Variants in KDM1A observed in about 807,000 individuals in gnomAD.
The protein encoded by KDM1A is lysine demethylase 1A.
Under a neutral mutation model 109.4 loss-of-function variants are expected in KDM1A, and 49 were observed. The ratio of observed to expected loss-of-function variants is 0.45; its 90% CI spans 0.36 to 0.57. KDM1A has a LOEUF of 0.57. KDM1A is among the 20% of genes least tolerant of loss of function. KDM1A has a pLI of 0.00. For missense variants in KDM1A, 668 were observed against 1,116.6 expected (o/e 0.60, Z 5.73); for synonymous variants, 380 against 415.4 (o/e 0.91, Z 1.04).
intron 2 of KDM1A, among the ~76,000 whole-genome samples, chr1:23,036,289 A>G (rs1254461002): frequency 6.6e-6 from 1 of 152,104 alleles, no homozygotes; most frequent in Non-Finnish European, 1.5e-5. Flanking sequence ...TAGGTTTACC[A>G]GAAGTGACTA....
At position 23,019,679 on chromosome 1, in the gene KDM1A, C is replaced by T. The variant is rs1641548763; in HGVS notation, c.83C>T (p.Ala28Val). Residue 28 changes from alanine (A) to valine (V), a missense_variant, in exon 1 of 21, where the codon GCA (alanine) becomes GTA (valine). Physicochemically the swap from Ala to Val is moderately conservative, Grantham distance 64. Coordinates refer to ENST00000400181, the MANE Select transcript of KDM1A (RefSeq NM_001009999.3). ...ATGTEAGPGTAGGSENGSEVA... is the reference protein window; with the variant it reads ...ATGTEAGPGTVGGSENGSEVA... The stretch of plus-strand genomic sequence containing the variant: ...GGGACGGAGGCTGGCCCTGGGACAG[C>T]AGGCGGCTCCGAGAACGGGTCTGAG... 7 of 1,364,818 alleles carry T rather than the reference C, an allele frequency of 5.1e-6. No homozygotes were observed. In the South Asian group the frequency reaches 7.2e-5, roughly 14 times the overall value. The allele number at this position is 1,364,818 out of a possible 1,614,324, so 84.5% of individuals were successfully genotyped here. A position where few individuals can be genotyped will look rare whatever the true frequency, so the allele number is the denominator to read the frequency against.
chr1:23,020,014 TC>T, intron 1 of KDM1A, 67 bp downstream of exon 1: 1 of 1,380,780 alleles, frequency 7.2e-7, no homozygotes, highest in Non-Finnish European at 9.4e-7. Flanking sequence ...TTCTCCGCCC[TC>T]CCCCGCCGCC....
At chr1:23,042,642 C>T (rs1182962851) in intron 2 of KDM1A, among the ~76,000 whole-genome samples, 4 of 149,928 alleles carry the variant, frequency 2.7e-5, no homozygotes, top group Admixed American at 6.6e-5. Flanking sequence ...TTAGTAGAGA[C>T]GGGGTTTCAC....
intron 16 of KDM1A, among the ~76,000 whole-genome samples, chr1:23,077,648 C>T (rs1012625675): frequency 6.6e-6 from 1 of 152,084 alleles, no homozygotes; most frequent in African/African-American, 2.4e-5. Flanking sequence ...CTCTAATGCC[C>T]CAGTGAGCAT....
Position 23,072,121 on chromosome 1 carries a change from C to A in KDM1A, c.1549-3C>A. On this transcript the variant is annotated splice_region_variant and splice_polypyrimidine_tract_variant and intron_variant, in intron 13 of 20. Transcript: ENST00000400181. Reference sequence around the variant, plus strand: ...TAACTCAGGTTCACTTAATTTTTATCAGGAATATGATGAATTAGCTGAAAC... The same window carrying A: ...TAACTCAGGTTCACTTAATTTTTATAAGGAATATGATGAATTAGCTGAAAC... 1 of 1,599,156 alleles carries A rather than the reference C, an allele frequency of 6.3e-7. No homozygotes were observed. Among genetic ancestry groups the A allele is most frequent in the Non-Finnish European group, 8.5e-7 (1 of 1,169,736 alleles).
At chr1:23,052,415 A>G (rs2124458602) in intron 4 of KDM1A, among the ~76,000 whole-genome samples, 1 of 152,354 alleles carries the variant, frequency 6.6e-6, no homozygotes, top group African/African-American at 2.4e-5. Flanking sequence ...CAGTGGCCAC[A>G]GAGTAGAGTA....
intron 3 of KDM1A, among the ~76,000 whole-genome samples, chr1:23,046,452 A>G (rs1007433336): frequency 2.0e-5 from 3 of 152,138 alleles, no homozygotes; most frequent in African/African-American, 7.2e-5. Context: ...AAATCTAGTT[A>G]TAGTTATCTA....
chr1:23,077,178 GAC>G (rs1385701517), intron 15 of KDM1A, 48 bp from the exon 16 acceptor site: 1 of 1,579,760 alleles, frequency 6.3e-7, no homozygotes. Flanking sequence ...AGGTGCAAAT[GAC>G]ACAGATTAAT....
In KDM1A at chr1:23,079,406, TA is replaced by T; in HGVS notation, c.2056-142del. 1.4e-6 allele frequency: 1 copy of T among 715,836 alleles called. No individual in the cohort carries two copies. Among genetic ancestry groups the T allele is most frequent in the Non-Finnish European group, 2.3e-6 (1 of 429,500 alleles). The allele number at this position is 715,836 out of a possible 1,614,324, so 44.3% of individuals were successfully genotyped here. On this transcript the variant is annotated intron_variant, in intron 17 of 20. Transcript: ENST00000400181. The surrounding 1 kb of genome is among the most constrained non-coding windows in gnomAD (Gnocchi z 5.6). Reference sequence around the variant, plus strand: ...GGGTCATTTCACAAACTCAGGCCTATAAAAAGGGGATCGTAAATGTCATCCT... The same window carrying T: ...GGGTCATTTCACAAACTCAGGCCTATAAAAGGGGATCGTAAATGTCATCCT...
intron 4 of KDM1A, among the ~76,000 whole-genome samples, chr1:23,052,963 TTTC>T (rs1246224159): frequency 5.3e-5 from 8 of 152,354 alleles, no homozygotes; most frequent in African/African-American, 1.9e-4. Context: ...CTATTTTATA[TTTC>T]TTCTTGTTAT....
chr1:23,083,460 C>A lies in KDM1A; in HGVS notation c.*96C>A. 8.0e-7 allele frequency: 1 copy of A among 1,255,222 alleles called. No individual in the cohort carries two copies. The highest frequency in any genetic ancestry group is 1.1e-6 in the Non-Finnish European group (1 of 931,370). 77.8% of individuals were successfully genotyped at this position (1,255,222 alleles called of 1,614,324 possible). ...ACTAGATCCCACTGAGAAAATCCAC[C>A]CTGGCATCTGGGCTCCTGATCAGCT... On this transcript the variant is annotated 3_prime_UTR_variant, in exon 21 of 21. Coordinates refer to ENST00000400181, the MANE Select transcript of KDM1A (RefSeq NM_001009999.3).
intron 12 of KDM1A, among the ~76,000 whole-genome samples, chr1:23,069,900 A>G (rs1188267548): frequency 6.6e-6 from 1 of 152,182 alleles, no homozygotes; most frequent in African/African-American, 2.4e-5. Flanking sequence ...TAGGGAGAAA[A>G]TAGCCCCTGG....
At chr1:23,047,682 C>T (rs1426518586) in intron 3 of KDM1A, among the ~76,000 whole-genome samples, 1 of 152,090 alleles carries the variant, frequency 6.6e-6, no homozygotes, top group African/African-American at 2.4e-5. Flanking sequence ...TGGTGTATCG[C>T]TTGAGCTCAA....
chr1:23,047,744 T>G lies in KDM1A; in HGVS notation c.578-2643T>G, dbSNP rs570337989. 9.2e-5 allele frequency among the ~76,000 whole-genome samples: 14 copies of G among 151,976 alleles called. No individual in the cohort carries two copies. The East Asian group carries it at 1.9e-3, about 21-fold the overall frequency. On this transcript the variant is annotated intron_variant, in intron 3 of 20. Coordinates refer to ENST00000400181, the MANE Select transcript of KDM1A (RefSeq NM_001009999.3). ...GGTGAAACCCCATCTCTACAAAATATAAAAAAATTAGACATAGTGGCTTGT... is the reference window on the plus strand; with the variant it reads ...GGTGAAACCCCATCTCTACAAAATAGAAAAAAATTAGACATAGTGGCTTGT...
intron 9 of KDM1A, among the ~76,000 whole-genome samples, chr1:23,062,072 C>T (rs1643016540): frequency 6.6e-6 from 1 of 152,174 alleles, no homozygotes; most frequent in Non-Finnish European, 1.5e-5. Flanking sequence ...AGGTCAGTAG[C>T]TTTATTCTCT....
chr1:23,055,116 G>A lies in KDM1A; in HGVS notation c.838G>A (p.Gly280Ser). 6.2e-7 allele frequency: 1 copy of A among 1,612,040 alleles called. No homozygotes were observed. Among genetic ancestry groups the A allele is most frequent in the South Asian group, 1.1e-5 (1 of 90,732 alleles). Residue 280 changes from glycine (G) to serine (S), a missense_variant, in exon 6 of 21, where the codon GGT becomes AGT. Transcript: ENST00000400181. The stretch of plus-strand genomic sequence containing the variant: ...AGTTCACAGTTATTTAGAGCGTCAT[G>A]GTCTTATCAACTTCGGCATCTATAA... ...HRVHSYLERH[G>S]LINFGIYKRI...
At chr1:23,045,892 C>G (rs1342580982) in intron 3 of KDM1A, among the ~76,000 whole-genome samples, 1 of 152,050 alleles carries the variant, frequency 6.6e-6, no homozygotes. Flanking sequence ...GTGAAATGAT[C>G]AATCAGGGTT....
chr1:23,053,647 A>C (rs1044419980), intron 4 of KDM1A, 114 bp from the exon 5 acceptor site: 1 of 723,654 alleles, frequency 1.4e-6, no homozygotes, highest in African/African-American at 1.7e-5. Flanking sequence ...CAGCCTCCCA[A>C]ACTGCTGGGA....
At chr1:23,071,106 T>A in intron 12 of KDM1A, 119 bp from the exon 13 acceptor site, 2 of 730,594 alleles carry the variant, frequency 2.7e-6, no homozygotes, top group Non-Finnish European at 2.3e-6. Context: ...CTCAGGACCT[T>A]GCATTGTAGC....
Sources: allele counts gnomAD v4.1 joint callset (sites outside exome capture counted in the v4.1 genomes callset), GRCh38; gene constraint gnomAD v4.1.1; non-coding constraint Gnocchi (gnomAD v3.1); transcripts MANE v1.5; gene names NCBI Gene and HGNC (gene_info 2026-07-23, HGNC 2026-07-21).